The following ADAMTS8 variants were observed in gnomAD, a reference collection of about 807,000 sequenced individuals.
ADAMTS8 encodes A disintegrin and metalloproteinase with thrombospondin motifs 8.
A neutral mutation model predicts 64.4 loss-of-function variants in ADAMTS8; 50 were observed. The ratio of observed to expected loss-of-function variants is 0.78; its 90% confidence interval spans 0.62 to 0.98. The LOEUF (loss-of-function observed/expected upper bound fraction) is 0.98, where lower values mean the gene tolerates loss of function less well. Among genes scored for constraint, ADAMTS8 ranks in the 50% least tolerant of loss-of-function variants. The pLI is 0.00. For synonymous variants in ADAMTS8, 556 were observed against 533.6 expected, an observed-to-expected ratio of 1.04 and a Z score of -0.58; for missense variants, 1,192 against 1,208.2, an observed-to-expected ratio of 0.99 and a Z score of 0.20.
In ADAMTS8 at chr11:130,428,382, A is replaced by G; in HGVS notation, c.-96T>C. On this transcript the variant is annotated 5_prime_UTR_variant, in exon 1 of 9. Coordinates refer to ENST00000257359, the MANE Select transcript of ADAMTS8 (RefSeq NM_007037.6). ...CGAGCGCGGCCCGGCCGCTCTCTCC[A>G]GGAAAAGCGGAATCAATCGGGTGCA... 3 of 1,191,952 alleles carry G rather than the reference A, an allele frequency of 2.5e-6. No individual in the cohort carries two copies. The highest frequency in any genetic ancestry group is 3.1e-6 in the Non-Finnish European group (3 of 954,032). 73.8% of individuals were successfully genotyped at this position (1,191,952 alleles called of 1,614,324 possible).
chr11:130,414,693 A>G lies in ADAMTS8; in HGVS notation c.1404T>C (p.Ala468=). The G allele has an allele frequency of 6.2e-7, 1 of 1,613,836 alleles. No individual in the cohort carries two copies. Among genetic ancestry groups the G allele is most frequent in the Non-Finnish European group, 8.5e-7 (1 of 1,180,028 alleles). The change falls in exon 5 of 9, where the codon GCT becomes GCC. Residue 468 remains alanine (A), a synonymous_variant. Transcript: ENST00000257359. The part of the protein sequence containing the change: ...PDFRHCPNTS[A]QDVCAQLWCH... ...ACCAAAGCTGGGCGCAGACGTCCTG[A>G]GCAGAGGTGTTGGGGCAGTGGCGGA...
rs899434307 is a variant in ADAMTS8 at position 130,427,999 on chromosome 11, C to T, written c.288G>A (p.Gly96=). Residue 96 remains glycine (G), a synonymous_variant, in exon 1 of 9, where the codon GGG becomes GGA. Coordinates refer to ENST00000257359, the MANE Select transcript of ADAMTS8 (RefSeq NM_007037.6). ...TGCCGGAGAAGAAGCAGCCGCGCAG[C>T]CCCCGCTCGCCCCCGGTCGCCCGGC... is the stretch of plus-strand genomic sequence containing the variant. ...GSGRATGGER[G]LRGCFFSGTV... 4 of 1,526,390 alleles carry T rather than the reference C, an allele frequency of 2.6e-6. No homozygotes were observed. The highest frequency in any genetic ancestry group is 1.4e-5 in the African/African-American group (1 of 71,294). 94.6% of individuals were successfully genotyped at this position (1,526,390 alleles called of 1,614,324 possible).
In ADAMTS8 at chr11:130,419,211, C is replaced by T. The variant is rs1246139519; in HGVS notation, c.802G>A (p.Val268Ile). The change falls in exon 2 of 9, where the codon GTA becomes ATA. Residue 268 changes from valine to isoleucine, a missense_variant. Val to Ile is a conservative substitution (Grantham distance 29). This residue lies in a region of ADAMTS8 where 741 missense variants were observed against 710.6 expected (regional missense o/e 1.04). Coordinates refer to ENST00000257359, the MANE Select transcript of ADAMTS8 (RefSeq NM_007037.6). ...SIKNSINLMV[V>I]KVLIVEDEKW... ...TCATCTTCTACGATCAGCACTTTTA[C>T]CACCATCAGGTTGATGGAATTCTTG... 6 of 1,614,178 alleles carry T rather than the reference C, an allele frequency of 3.7e-6. No individual in the cohort carries two copies. Among genetic ancestry groups the T allele is most frequent in the Non-Finnish European group, 5.1e-6 (6 of 1,180,048 alleles).
At chr11:130,425,406 G>C (rs779231890) in intron 1 of ADAMTS8, among the ~76,000 whole-genome samples, 3 of 152,106 alleles carry the variant, frequency 2.0e-5, no homozygotes, top group Non-Finnish European at 4.4e-5. Flanking sequence ...AGCTGAGAGA[G>C]TGAGACAGTC....
At chr11:130,418,057 G>T (rs114214600) in intron 2 of ADAMTS8, among the ~76,000 whole-genome samples, 1,613 of 146,130 alleles carry the variant, frequency 0.011, 28 homozygotes, top group African/African-American at 0.038. Flanking sequence ...GCTTGCGCTT[G>T]TCATCTCAGC....
rs1374791698 is a variant in ADAMTS8 at position 130,416,316 on chromosome 11, T to C, written c.1111A>G (p.Met371Val). 3 of 1,566,236 alleles carry C rather than the reference T, an allele frequency of 1.9e-6. No individual in the cohort carries two copies. The highest frequency in any genetic ancestry group is 2.6e-6 in the Non-Finnish European group (3 of 1,155,966). ...CAGGGCTTGGAGTCGTCGTGGGGCA[T>C]GCTGAGGACGTGCCCTGGGGAGAGA... The part of the protein sequence containing the change: ...LAHELGHVLS[M>V]PHDDSKPCTR... Residue 371 changes from methionine (M) to valine (V), a missense_variant, in exon 4 of 9, where the codon ATG (methionine) becomes GTG (valine). Met to Val is a conservative substitution (Grantham distance 21, BLOSUM62 1). Around this residue, in one of 5 missense-constraint regions of ADAMTS8, gnomAD observed 741 missense variants for 710.6 expected, o/e 1.04. Coordinates refer to ENST00000257359, the MANE Select transcript of ADAMTS8 (RefSeq NM_007037.6). This position sits in a 1 kb window ranked among gnomAD's most constrained non-coding sequence, Gnocchi z 4.8.
chr11:130,405,116 C>T lies in ADAMTS8; in HGVS notation c.*442G>A, dbSNP rs1861859553. On this transcript the variant is annotated 3_prime_UTR_variant, in exon 9 of 9. Coordinates refer to ENST00000257359, the MANE Select transcript of ADAMTS8 (RefSeq NM_007037.6). The stretch of plus-strand genomic sequence containing the variant: ...GACAGCTTGGGGTCCAGCTTTGGAG[C>T]CTGCTTTGACATTCACCATTGACTC... The T allele has an allele frequency of 2.0e-6, 2 of 992,648 alleles. No individual in the cohort carries two copies. The highest frequency in any genetic ancestry group is 2.4e-6 in the Non-Finnish European group (2 of 834,722). The allele number at this position is 992,648 out of a possible 1,614,324, so 61.5% of individuals were successfully genotyped here.
Position 130,414,607 on chromosome 11 carries a change from TCA to T in ADAMTS8, c.1488_1489del (p.Asp497ArgfsTer18). The stretch of plus-strand genomic sequence containing the variant: ...GTGCCCAGGCCCGCACGGCGTGCCG[TCA>T]GCCCAGGGCAGGCTGCCATTCTTCG... On this transcript the variant is annotated frameshift_variant, in exon 5 of 9. Coordinates refer to ENST00000257359, the MANE Select transcript of ADAMTS8 (RefSeq NM_007037.6). LOFTEE classifies it high-confidence loss of function. 1.2e-6 allele frequency: 2 copies of T among 1,613,400 alleles called. No individual in the cohort carries two copies. The highest frequency in any genetic ancestry group is 1.7e-6 in the Non-Finnish European group (2 of 1,179,962).
chr11:130,411,878 A>T lies in ADAMTS8; in HGVS notation c.1567-278T>A, dbSNP rs75423157. On this transcript the variant is annotated intron_variant, in intron 5 of 8. Transcript: ENST00000257359. This position sits in a 1 kb window ranked among gnomAD's most constrained non-coding sequence, Gnocchi z 4.2. Reference sequence around the variant, plus strand: ...GCTCAATAGGCTATCTGCTGAATGAATGAATGACACCCTTTTATGGGAATA... The same window carrying T: ...GCTCAATAGGCTATCTGCTGAATGATTGAATGACACCCTTTTATGGGAATA... 0.018 allele frequency: 8,024 copies of T among 444,992 alleles called. 208 individuals carry two copies. The highest frequency in any genetic ancestry group is 0.075 in the African/African-American group (3,854 of 51,158). The allele number at this position is 444,992 out of a possible 1,614,324, so 27.6% of individuals were successfully genotyped here. A position where few individuals can be genotyped will look rare whatever the true frequency, so the allele number is the denominator to read the frequency against.
chr11:130,416,833 T>C lies in ADAMTS8; in HGVS notation c.1096+107A>G. 1 of 1,532,292 alleles carries C rather than the reference T, an allele frequency of 6.5e-7. No individual in the cohort carries two copies. Among genetic ancestry groups the C allele is most frequent in the East Asian group, 2.3e-5 (1 of 44,238 alleles). 94.9% of individuals were successfully genotyped at this position (1,532,292 alleles called of 1,614,324 possible). A position where few individuals can be genotyped will look rare whatever the true frequency, so the allele number is the denominator to read the frequency against. On this transcript the variant is annotated intron_variant, in intron 3 of 8. Transcript: ENST00000257359. The surrounding 1 kb of genome is among the most constrained non-coding windows in gnomAD (Gnocchi z 4.8). ...TCACCCTGTCAAAATTAGGAGGAGC[T>C]ATTCCTAAGCAAGGGCCGCATATTC...
chr11:130,420,683 A>G (rs1862088004), intron 1 of ADAMTS8, among the ~76,000 whole-genome samples: 1 of 152,140 alleles, frequency 6.6e-6, no homozygotes, highest in African/African-American at 2.4e-5. Context: ...TTCACCTCAC[A>G]GGCAATGAGC....
At chr11:130,426,343 A>G (rs1410623341) in intron 1 of ADAMTS8, among the ~76,000 whole-genome samples, 9 of 152,192 alleles carry the variant, frequency 5.9e-5, no homozygotes, top group Non-Finnish European at 4.4e-5. Flanking sequence ...TGTCTGGACT[A>G]TTCTGCACAG....
intron 2 of ADAMTS8, among the ~76,000 whole-genome samples, chr11:130,418,079 C>T (rs1402241758): frequency 6.7e-6 from 1 of 150,202 alleles, no homozygotes; most frequent in Non-Finnish European, 1.5e-5. Context: ...ACTCAGGAGG[C>T]TTGAGGTGGG....
At chr11:130,421,988 C>T (rs932657102) in intron 1 of ADAMTS8, among the ~76,000 whole-genome samples, 3 of 152,250 alleles carry the variant, frequency 2.0e-5, no homozygotes, top group African/African-American at 4.8e-5. Flanking sequence ...CCCCAAACCA[C>T]GGCAGGTAGG....
rs386375276 is a variant in ADAMTS8 at position 130,415,603 on chromosome 11, CTT to C, written c.1264+558_1264+559del. Among the ~76,000 whole-genome samples the C allele has an allele frequency of 3.0e-3, 311 of 104,782 alleles. 6 individuals are homozygous for C. Among genetic ancestry groups the C allele is most frequent in the African/African-American group, 0.011 (294 of 27,516 alleles). 68.7% of individuals were successfully genotyped at this position (104,782 alleles called of 152,430 possible). On this transcript the variant is annotated intron_variant, in intron 4 of 8. Transcript: ENST00000257359. ...CGGGCAGAAGCCACTGCACCTGGCC[CTT>C]TTTTTTTTTTTTTTTTTTAAAGAGA... is the stretch of plus-strand genomic sequence containing the variant.
chr11:130,418,007 C>CAAAAAA (rs5795694), intron 2 of ADAMTS8, among the ~76,000 whole-genome samples: 13 of 93,950 alleles, frequency 1.4e-4, no homozygotes, highest in East Asian at 9.8e-4. Flanking sequence ...CTACAAAAAG[C>CAAAAAA]AAAAAAAAAA....
chr11:130,425,986 C>G (rs1205526292), intron 1 of ADAMTS8, among the ~76,000 whole-genome samples: 1 of 152,172 alleles, frequency 6.6e-6, no homozygotes, highest in Non-Finnish European at 1.5e-5. Context: ...TCACCCCTCT[C>G]CTGCCACACT....
At chr11:130,424,800 G>T (rs1471415006) in intron 1 of ADAMTS8, among the ~76,000 whole-genome samples, 1 of 152,134 alleles carries the variant, frequency 6.6e-6, no homozygotes, top group Non-Finnish European at 1.5e-5. Flanking sequence ...TCATAGCACA[G>T]GGGCCCGAGG....
intron 1 of ADAMTS8, among the ~76,000 whole-genome samples, chr11:130,421,858 T>G (rs1644345223): frequency 6.6e-6 from 1 of 152,146 alleles, no homozygotes; most frequent in African/African-American, 2.4e-5. Context: ...GATGGCTTGC[T>G]CCACCACCTG....
Sources: allele counts gnomAD v4.1 joint callset (sites outside exome capture counted in the v4.1 genomes callset), GRCh38; gene constraint gnomAD v4.1.1; regional missense constraint gnomAD v4.1.1; non-coding constraint Gnocchi (gnomAD v3.1); transcripts MANE v1.5; gene names NCBI Gene and HGNC (gene_info 2026-07-23, HGNC 2026-07-21).